ISY1: variants seen among roughly 807,000 people sequenced by gnomAD.
ISY1 encodes the protein pre-mRNA-splicing factor ISY1 homolog.
Under a neutral mutation model 54.4 loss-of-function variants are expected in ISY1, and 12 were observed. The observed-to-expected ratio is 0.22, with a 90% CI of 0.14 to 0.36. The LOEUF (loss-of-function observed/expected upper bound fraction) is 0.36, where lower values mean the gene tolerates loss of function less well. Ranked by LOEUF, ISY1 falls within the 10% of genes least tolerant of loss-of-function variation. The pLI is 1.00. For synonymous variants in ISY1, 96 were observed against 117.9 expected (o/e 0.81, Z 1.20); for missense variants, 282 against 342.2 (o/e 0.82, Z 1.39).
chr3:129,139,706 G>C (rs1490678265), intron 7 of ISY1, among the ~76,000 whole-genome samples: 1 of 151,740 alleles, frequency 6.6e-6, no homozygotes, highest in Admixed American at 6.6e-5. Context: ...GCAATGGCAC[G>C]ATCTCGGCTC....
chr3:129,158,574 A>C lies in ISY1; in HGVS notation c.27-15T>G, dbSNP rs1937213244. On this transcript the variant is annotated splice_polypyrimidine_tract_variant and intron_variant, in intron 2 of 10. Transcript: ENST00000393295. Reference sequence around the variant, plus strand: ...CTAAGGCCGTCCTACCAGCGATATAAAAGATAAAAGACTCCATTAGATCCT... The same window carrying C: ...CTAAGGCCGTCCTACCAGCGATATACAAGATAAAAGACTCCATTAGATCCT... 6.2e-7 allele frequency: 1 copy of C among 1,613,922 alleles called. No individual in the cohort carries two copies.
At position 129,140,617 on chromosome 3, in the gene ISY1, C is replaced by T. The variant is rs539188062; in HGVS notation, c.301-132G>A. On this transcript the variant is annotated intron_variant, in intron 6 of 10. Coordinates refer to ENST00000393295, the MANE Select transcript of ISY1 (RefSeq NM_020701.4). ...TTGAGGTGGAGTCTCGCTCTGTTGC[C>T]CAGGCTGGAGTGCAGTAGCACAATC... The T allele has an allele frequency of 3.9e-6, 4 of 1,013,666 alleles. No homozygotes were observed. In the East Asian group the frequency reaches 8.1e-5, roughly 21 times the overall value. 62.8% of individuals were successfully genotyped at this position (1,013,666 alleles called of 1,614,324 possible). A position where few individuals can be genotyped will look rare whatever the true frequency, so the allele number is the denominator to read the frequency against.
intron 3 of ISY1, among the ~76,000 whole-genome samples, chr3:129,157,271 T>C (rs1213206338): frequency 1.3e-5 from 2 of 152,094 alleles, no homozygotes; most frequent in Non-Finnish European, 2.9e-5. Flanking sequence ...TACATGTGCG[T>C]ATATAAAATT....
At chr3:129,153,401 A>C (rs1015138854) in intron 5 of ISY1, among the ~76,000 whole-genome samples, 2 of 152,164 alleles carry the variant, frequency 1.3e-5, no homozygotes, top group African/African-American at 4.8e-5. Flanking sequence ...ACTGTAGTTT[A>C]TTTAGGATAA....
At chr3:129,153,663 G>A (rs552065850) in intron 5 of ISY1, among the ~76,000 whole-genome samples, 28 of 152,054 alleles carry the variant, frequency 1.8e-4, no homozygotes, top group African/African-American at 6.3e-4. Flanking sequence ...GTGGGCGCCT[G>A]TAGGCCCAGC....
At chr3:129,138,473 A>C (rs952188137) in intron 7 of ISY1, among the ~76,000 whole-genome samples, 15 of 151,848 alleles carry the variant, frequency 9.9e-5, no homozygotes, top group African/African-American at 3.4e-4. Flanking sequence ...GTCTCTACTA[A>C]AAATACAAAA....
At chr3:129,130,499 C>G (rs775937548) in intron 10 of ISY1, 51 bp downstream of exon 10, 1 of 1,603,960 alleles carries the variant, frequency 6.2e-7, no homozygotes, top group Non-Finnish European at 8.5e-7. Flanking sequence ...TCTGTGAAGT[C>G]TGCTTTAGAG....
intron 10 of ISY1, 77 bp from the exon 11 acceptor site, chr3:129,130,265 C>T (rs1352955532): frequency 6.7e-7 from 1 of 1,501,986 alleles, no homozygotes; most frequent in Non-Finnish European, 8.9e-7. Context: ...AGGAGGAAGT[C>T]CCCGTGGGAG....
chr3:129,129,962 A>G lies in ISY1; in HGVS notation c.*119T>C. ...CCTCCGGTCAACATGAGACAAGGAG[A>G]GGGAAGGAAGGCTGAGAATGGGGCA... On this transcript the variant is annotated 3_prime_UTR_variant, in exon 11 of 11. Coordinates refer to ENST00000393295, the MANE Select transcript of ISY1 (RefSeq NM_020701.4). 1 of 718,636 alleles carries G rather than the reference A, an allele frequency of 1.4e-6. No homozygotes were observed. 44.5% of individuals were successfully genotyped at this position (718,636 alleles called of 1,614,324 possible). A position where few individuals can be genotyped will look rare whatever the true frequency, so the allele number is the denominator to read the frequency against.
At chr3:129,159,079 A>G in intron 2 of ISY1, 75 bp downstream of exon 2, 1 of 1,556,554 alleles carries the variant, frequency 6.4e-7, no homozygotes, top group Non-Finnish European at 8.7e-7. Flanking sequence ...TACCAAAAAG[A>G]GGAAATACAC....
intron 4 of ISY1, 55 bp downstream of exon 4, chr3:129,156,800 A>C: frequency 6.3e-7 from 1 of 1,589,780 alleles, no homozygotes; most frequent in Non-Finnish European, 8.5e-7. Flanking sequence ...TTAGATAATA[A>C]GAAGAAATGA....
chr3:129,141,226 T>G (rs537801169), intron 6 of ISY1, among the ~76,000 whole-genome samples: 1 of 147,138 alleles, frequency 6.8e-6, no homozygotes, highest in South Asian at 2.1e-4. Flanking sequence ...AATAAATAAA[T>G]AAATAAAAAA....
chr3:129,145,157 T>C (rs1328346726), intron 6 of ISY1, among the ~76,000 whole-genome samples: 2 of 152,000 alleles, frequency 1.3e-5, no homozygotes, highest in Admixed American at 6.6e-5. Context: ...GGGCTTATCC[T>C]GTCTCAGCCT....
Position 129,140,342 on chromosome 3 carries a change from G to A in ISY1, c.418+26C>T, listed in dbSNP as rs551298283. 7.1e-6 allele frequency: 11 copies of A among 1,551,298 alleles called. No individual in the cohort carries two copies. The African/African-American group carries it at 1.8e-4, about 25-fold the overall frequency. ...CTCTTATGATTATTACCAATGAAAG[G>A]CTAAAACTGTCACAAACTTACTTAC... On this transcript the variant is annotated intron_variant, in intron 7 of 10. Coordinates refer to ENST00000393295, the MANE Select transcript of ISY1 (RefSeq NM_020701.4).
chr3:129,129,300 G>C lies in ISY1; in HGVS notation c.*781C>G, dbSNP rs1309627269. 1 of 152,156 alleles carries C rather than the reference G, an allele frequency of 6.6e-6. No individual in the cohort carries two copies. The highest frequency in any genetic ancestry group is 2.4e-5 in the African/African-American group (1 of 41,426). The allele number at this position is 152,156 out of a possible 1,614,324, so 9.4% of individuals were successfully genotyped here. ...GCAGGAGCGAGTGGAGCAGGTGGAG[G>C]GGGGCTAACGGAGAGCCCAGAGCAG... is the stretch of plus-strand genomic sequence containing the variant. On this transcript the variant is annotated 3_prime_UTR_variant, in exon 11 of 11. Transcript: ENST00000393295.
chr3:129,140,319 C>G, intron 7 of ISY1, 49 bp downstream of exon 7: 1 of 1,538,880 alleles, frequency 6.5e-7, no homozygotes, highest in Non-Finnish European at 8.8e-7. Context: ...CATATCTACT[C>G]TTATGATTAT....
At chr3:129,158,245 C>T (rs1365334502) in intron 3 of ISY1, among the ~76,000 whole-genome samples, 1 of 151,662 alleles carries the variant, frequency 6.6e-6, no homozygotes, top group African/African-American at 2.4e-5. Flanking sequence ...TGTAAGACTC[C>T]TGCATTCAAG....
chr3:129,146,595 T>C (rs1936769768), intron 5 of ISY1, among the ~76,000 whole-genome samples: 1 of 152,114 alleles, frequency 6.6e-6, no homozygotes, highest in African/African-American at 2.4e-5. Flanking sequence ...CAGCTAAGAC[T>C]GATGCTCTAG....
intron 7 of ISY1, among the ~76,000 whole-genome samples, chr3:129,139,824 T>C (rs930691636): frequency 1.3e-5 from 2 of 152,120 alleles, no homozygotes; most frequent in Non-Finnish European, 2.9e-5. Flanking sequence ...GTATGTTTAG[T>C]GGAGACGGGG....
Sources: allele counts gnomAD v4.1 joint callset (sites outside exome capture counted in the v4.1 genomes callset), GRCh38; gene constraint gnomAD v4.1.1; transcripts MANE v1.5; gene names NCBI Gene and HGNC (gene_info 2026-07-23, HGNC 2026-07-21).